LMO7: variants seen among roughly 807,000 people sequenced by gnomAD.
LMO7 encodes the protein LIM domain 7.
Under a neutral mutation model 206.5 loss-of-function variants are expected in LMO7, and 120 were observed. That is an observed-to-expected ratio of 0.58 (90% confidence interval 0.50 to 0.68). The LOEUF is 0.68. Ranked by LOEUF, LMO7 falls within the 30% of genes least tolerant of loss-of-function variation. LMO7 has a pLI of 0.00. For missense variants in LMO7, 1,959 were observed against 1,957.9 expected (o/e 1.00, Z -0.01); for synonymous variants, 706 against 681.5 (o/e 1.04, Z -0.56).
chr13:75,820,760 C>G (rs1449609446), intron 13 of LMO7, among the ~76,000 whole-genome samples: 1 of 151,986 alleles, frequency 6.6e-6, no homozygotes, highest in African/African-American at 2.4e-5. Context: ...TTTGGGAGGC[C>G]AAGGTGGGCA....
intron 3 of LMO7, among the ~76,000 whole-genome samples, chr13:75,750,437 T>A (rs486860): frequency 0.014 from 2,009 of 145,850 alleles, 55 homozygotes; most frequent in African/African-American, 0.048. Context: ...TTGCCCAGGC[T>A]GGAATGCAGT....
intron 1 of LMO7, among the ~76,000 whole-genome samples, chr13:75,682,972 T>C (rs1177331985): frequency 6.6e-6 from 1 of 152,222 alleles, no homozygotes; most frequent in Non-Finnish European, 1.5e-5. Context: ...ATCTTTTAAA[T>C]TGGATTGCTT....
rs573326637 is a variant in LMO7 at position 75,723,872 on chromosome 13, T to C, written c.141-3157T>C. ...TTTATAAACAATAGAAATTGATTTA[T>C]CACAGTTCTGGAGGCTGGGAAGTTC... On this transcript the variant is annotated intron_variant, in intron 2 of 30. Coordinates refer to ENST00000377534, the MANE Select transcript of LMO7 (RefSeq NM_001306080.2). 1.6e-4 allele frequency among the ~76,000 whole-genome samples: 25 copies of C among 152,298 alleles called. 1 individual carries two copies. In the South Asian group the frequency reaches 5.0e-3, roughly 30 times the overall value.
chr13:75,761,144 C>T (rs1319471139), intron 4 of LMO7, 106 bp downstream of exon 4: 1 of 705,210 alleles, frequency 1.4e-6, no homozygotes, highest in African/African-American at 1.8e-5. Context: ...AAAAATTCTT[C>T]TGTTCTCTCT....
intron 1 of LMO7, among the ~76,000 whole-genome samples, chr13:75,701,020 G>C (rs2042250487): frequency 6.6e-6 from 1 of 152,110 alleles, no homozygotes; most frequent in Non-Finnish European, 1.5e-5. Flanking sequence ...TCATTCATCA[G>C]TTCATGGACA....
chr13:75,858,037 CT>C lies in LMO7; in HGVS notation c.*103del, dbSNP rs5804839. Reference sequence around the variant, plus strand: ...AAATATGTGTTGTATGTCTTTTTTGCTTTTTTTTTAAAAAAAAGAATAACTT... The same window carrying C: ...AAATATGTGTTGTATGTCTTTTTTGCTTTTTTTTAAAAAAAAGAATAACTT... On this transcript the variant is annotated 3_prime_UTR_variant, in exon 31 of 31. Transcript: ENST00000377534. 970 of 1,433,784 alleles carry C rather than the reference CT, an allele frequency of 6.8e-4. No homozygotes were observed. Among genetic ancestry groups the C allele is most frequent in the Admixed American group, 1.1e-3 (50 of 45,908 alleles). The allele number at this position is 1,433,784 out of a possible 1,614,324, so 88.8% of individuals were successfully genotyped here.
chr13:75,643,461 C>A (rs960709464), intron 1 of LMO7, among the ~76,000 whole-genome samples: 1 of 152,152 alleles, frequency 6.6e-6, no homozygotes, highest in Non-Finnish European at 1.5e-5. Flanking sequence ...ACAGAATGTT[C>A]CCAAATACTT....
chr13:75,644,150 AAG>A (rs1366215688), intron 1 of LMO7, among the ~76,000 whole-genome samples: 1 of 151,028 alleles, frequency 6.6e-6, no homozygotes, highest in Non-Finnish European at 1.5e-5. Context: ...TTTTTTTTTT[AAG>A]AGAAGCTGAA....
chr13:75,661,246 A>G (rs1472312517), intron 1 of LMO7, among the ~76,000 whole-genome samples: 1 of 152,180 alleles, frequency 6.6e-6, no homozygotes, highest in African/African-American at 2.4e-5. Context: ...TACTGTGTAT[A>G]TATAGTAGAT....
intron 29 of LMO7, among the ~76,000 whole-genome samples, chr13:75,855,606 A>G (rs1000035944): frequency 2.6e-5 from 4 of 152,250 alleles, no homozygotes; most frequent in Admixed American, 2.6e-4. Flanking sequence ...TTAGAATTCT[A>G]TACATTTACA....
At chr13:75,718,931 A>T (rs991362215) in intron 2 of LMO7, among the ~76,000 whole-genome samples, 11 of 149,954 alleles carry the variant, frequency 7.3e-5, no homozygotes, top group Non-Finnish European at 1.5e-4. Flanking sequence ...ACTGAGTAAT[A>T]TGCACTTACT....
intron 1 of LMO7, among the ~76,000 whole-genome samples, chr13:75,650,375 G>A (rs986494267): frequency 2.0e-5 from 3 of 151,236 alleles, no homozygotes; most frequent in East Asian, 3.9e-4. Flanking sequence ...AGATCTGCCC[G>A]CCTCAGCCTC....
intron 4 of LMO7, among the ~76,000 whole-genome samples, chr13:75,774,941 A>G (rs1444222970): frequency 6.6e-6 from 1 of 152,090 alleles, no homozygotes; most frequent in Non-Finnish European, 1.5e-5. Context: ...TTGCAAAGAG[A>G]TTATCTAATA....
At chr13:75,642,116 G>C (rs1369254257) in intron 1 of LMO7, among the ~76,000 whole-genome samples, 1 of 152,152 alleles carries the variant, frequency 6.6e-6, no homozygotes, top group Non-Finnish European at 1.5e-5. Flanking sequence ...ATAGGAACCA[G>C]GGCAGGAATG....
At chr13:75,675,490 T>C (rs1026953528) in intron 1 of LMO7, among the ~76,000 whole-genome samples, 1 of 152,260 alleles carries the variant, frequency 6.6e-6, no homozygotes. Context: ...TTACATAAAC[T>C]TGTAGAAAAT....
intron 1 of LMO7, among the ~76,000 whole-genome samples, chr13:75,682,306 A>G (rs528191987): frequency 2.0e-5 from 3 of 152,200 alleles, no homozygotes; most frequent in Non-Finnish European, 4.4e-5. Flanking sequence ...CTACTTCTTC[A>G]TGAATTTCTG....
At chr13:75,728,240 A>C (rs955344552) in intron 3 of LMO7, among the ~76,000 whole-genome samples, 34 of 152,320 alleles carry the variant, frequency 2.2e-4, no homozygotes, top group Middle Eastern at 3.4e-3. Context: ...AGTCCCACCA[A>C]CAGTGTAAAA....
At chr13:75,636,150 A>C (rs890125391), upstream of LMO7, 7 of 270,000 alleles carry the variant, frequency 2.6e-5, no homozygotes, top group African/African-American at 1.6e-4. Context: ...CCCCTGGCGG[A>C]CTGTGGCATC....
chr13:75,625,291 C>G (rs760905135), intron 2 of LMO7, among the ~76,000 whole-genome samples: 3 of 152,142 alleles, frequency 2.0e-5, no homozygotes, highest in Admixed American at 6.5e-5. Flanking sequence ...TCATATTCTT[C>G]TGATTATCTA....
Sources: allele counts gnomAD v4.1 joint callset (sites outside exome capture counted in the v4.1 genomes callset), GRCh38; gene constraint gnomAD v4.1.1; transcripts MANE v1.5; gene names NCBI Gene and HGNC (gene_info 2026-07-23, HGNC 2026-07-21).